Variants in ZNF20 observed in about 807,000 individuals in gnomAD.
ZNF20 encodes zinc finger protein 20, also known as zinc finger protein KOX13.
ZNF20 carries 9 observed loss-of-function variants against 11.0 expected under a neutral mutation model. The observed-to-expected ratio is 0.82, with a 90% CI of 0.49 to 1.43. The LOEUF (loss-of-function observed/expected upper bound fraction) is 1.43. Among genes scored for constraint, ZNF20 ranks in the 40% most tolerant of loss-of-function variants. ZNF20 has a pLI of 0.00. For missense variants in ZNF20, 528 were observed against 640.8 expected, an observed-to-expected ratio of 0.82 and a Z score of 1.90; for synonymous variants, 182 against 213.0, an observed-to-expected ratio of 0.85 and a Z score of 1.27.
chr19:12,135,396 T>C (rs962048427), intron 3 of ZNF20, 104 bp downstream of exon 3: 3 of 1,216,714 alleles, frequency 2.5e-6, no homozygotes, highest in Non-Finnish European at 3.6e-6. Flanking sequence ...CACCTCGACC[T>C]CCCAAAGTGC....
At chr19:12,137,134 C>T (rs1976724445) in intron 1 of ZNF20, 1 of 166,174 alleles carries the variant, frequency 6.0e-6, no homozygotes, top group African/African-American at 2.4e-5. Flanking sequence ...GTGAAACTCC[C>T]TCTCTACTAA....
chr19:12,138,080 C>T (rs971878056), intron 1 of ZNF20, among the ~76,000 whole-genome samples: 1 of 152,066 alleles, frequency 6.6e-6, no homozygotes, highest in Non-Finnish European at 1.5e-5. Context: ...TTGGTTCAGC[C>T]CCAGGCGGTT....
At chr19:12,137,775 T>C (rs1286209623) in intron 1 of ZNF20, 1 of 152,460 alleles carries the variant, frequency 6.6e-6, no homozygotes, top group Non-Finnish European at 1.5e-5. Context: ...TTTATGGCTT[T>C]GTTGAGATGA....
rs45536046 is a variant in ZNF20 at position 12,140,168 on chromosome 19, C to G, written c.3+12G>C. 21,170 of 1,601,206 alleles carry G rather than the reference C, an allele frequency of 0.013. 204 individuals carry two copies. The highest frequency in any genetic ancestry group is 0.026 in the Middle Eastern group (160 of 6,040). On this transcript the variant is annotated intron_variant, in intron 1 of 3. Transcript: ENST00000334213. ...CCTCCCCCGTCTGGGGACTCCGGCC[C>G]CATACACTCACCATTTCCCGGCTTC...
chr19:12,133,516 C>A lies in ZNF20; in HGVS notation c.670G>T (p.Val224Leu). ...CATTGTTTACACTTATATGGTTTCA[C>A]ACCAGTGTGAATTCGTTCATGGATA... is the stretch of plus-strand genomic sequence containing the variant. ...CLIHERIHTG[V>L]KPYKCKQCGK... is the part of the protein sequence containing the mutation. Residue 224 changes from valine (V) to leucine (L), a missense_variant, in exon 4 of 4, where the codon GTG (valine) becomes TTG (leucine). Physicochemically the swap from Val to Leu is conservative, Grantham distance 32 (BLOSUM62 1). Transcript: ENST00000334213. The A allele has an allele frequency of 1.9e-6, 3 of 1,614,224 alleles. No individual in the cohort carries two copies. Among genetic ancestry groups the A allele is most frequent in the Non-Finnish European group, 2.5e-6 (3 of 1,180,042 alleles).
rs1225706416 is a variant in ZNF20 at position 12,135,878 on chromosome 19, C to G, written c.30G>C (p.Glu10Asp). Residue 10 changes from glutamate to aspartate, a missense_variant, in exon 2 of 4, where the codon GAG (glutamate) becomes GAC (aspartate). Coordinates refer to ENST00000334213, the MANE Select transcript of ZNF20 (RefSeq NM_021143.4). MMFQDSVAF[E>D]DVAVSFTQEE... is the part of the protein sequence containing the mutation. ...CCTGGGTGAAGCTGACAGCCACATC[C>G]TCAAAGGCCACTGAATCCTGAAACA... is the stretch of plus-strand genomic sequence containing the variant. 6.2e-7 allele frequency: 1 copy of G among 1,614,102 alleles called. No homozygotes were observed. The highest frequency in any genetic ancestry group is 8.5e-7 in the Non-Finnish European group (1 of 1,180,020).
intron 1 of ZNF20, among the ~76,000 whole-genome samples, chr19:12,138,206 A>T (rs2037278880): frequency 6.6e-6 from 1 of 152,058 alleles, no homozygotes; most frequent in Admixed American, 6.6e-5. Context: ...AAATTCCAGC[A>T]CTTTGGGAGG....
intron 1 of ZNF20, among the ~76,000 whole-genome samples, chr19:12,138,631 A>T (rs924709574): frequency 2.0e-5 from 3 of 152,264 alleles, no homozygotes; most frequent in Admixed American, 6.5e-5. Flanking sequence ...ACCTTGTGAA[A>T]AGATGATAAA....
At position 12,132,746 on chromosome 19, in the gene ZNF20, T is replaced by C. The variant is rs1409840790; in HGVS notation, c.1440A>G (p.Glu480=). 1 of 1,613,984 alleles carries C rather than the reference T, an allele frequency of 6.2e-7. No individual in the cohort carries two copies. The highest frequency in any genetic ancestry group is 8.5e-7 in the Non-Finnish European group (1 of 1,179,968). ...TAAAGGCCTTACCACAGTGCTTACA[T>C]TCATAGGGTTTCTCTCCAGTGTGAG... ...ERTHTGEKPY[E]CKHCGKAFIS... Residue 480 remains glutamate (E), a synonymous_variant, in exon 4 of 4, where the codon GAA becomes GAG. Transcript: ENST00000334213.
rs1473578185 is a variant in ZNF20 at position 12,132,701 on chromosome 19, A to G, written c.1485T>C (p.Tyr495=). The G allele has an allele frequency of 4.3e-6, 7 of 1,613,744 alleles. No individual in the cohort carries two copies. The highest frequency in any genetic ancestry group is 5.9e-6 in the Non-Finnish European group (7 of 1,179,956). ...TCTCTCCAGTGTGAGTCCTTTCATG[A>G]TATCGAATGTAATTGGAAATAAAGG... ...GKAFISNYIR[Y]HERTHTGEKP... The change falls in exon 4 of 4, where the codon TAT becomes TAC. Residue 495 remains tyrosine (Y), a synonymous_variant. Transcript: ENST00000334213.
chr19:12,133,586 T>C lies in ZNF20; in HGVS notation c.600A>G (p.Lys200=). The change falls in exon 4 of 4, where the codon AAA becomes AAG. Residue 200 remains lysine (K), a synonymous_variant. Coordinates refer to ENST00000334213, the MANE Select transcript of ZNF20 (RefSeq NM_021143.4). ...AGAAGGCTTTCCCACAAAACTTACA[T>C]TTATAAGGTCCATCTCCACTGTGCA... is the stretch of plus-strand genomic sequence containing the variant. ...RVMHSGDGPY[K]CKFCGKAFYF... The C allele has an allele frequency of 6.2e-7, 1 of 1,614,204 alleles. No individual in the cohort carries two copies. The highest frequency in any genetic ancestry group is 8.5e-7 in the Non-Finnish European group (1 of 1,180,024).
rs955509452 is a variant in ZNF20 at position 12,139,858 on chromosome 19, C to G, written c.3+322G>C. 6.6e-6 allele frequency among the ~76,000 whole-genome samples: 1 copy of G among 152,278 alleles called. No homozygotes were observed. The highest frequency in any genetic ancestry group is 2.4e-5 in the African/African-American group (1 of 41,566). ...ACTCTTTAACAGAAAAAAAAATCCG[C>G]AGGATTCCCCCATGACCCTCCCGTG... is the stretch of plus-strand genomic sequence containing the variant. On this transcript the variant is annotated intron_variant, in intron 1 of 3. Coordinates refer to ENST00000334213, the MANE Select transcript of ZNF20 (RefSeq NM_021143.4). The surrounding 1 kb of genome is among the most constrained non-coding windows in gnomAD (Gnocchi z 4.0).
At chr19:12,134,924 G>A (rs1976686521) in intron 3 of ZNF20, among the ~76,000 whole-genome samples, 1 of 151,916 alleles carries the variant, frequency 6.6e-6, no homozygotes, top group Non-Finnish European at 1.5e-5. Flanking sequence ...CCAAATTGGA[G>A]TGTAGTGGTA....
intron 1 of ZNF20, chr19:12,137,414 G>A (rs1599434225): frequency 1.3e-5 from 2 of 152,840 alleles, no homozygotes; most frequent in Admixed American, 6.6e-5. Flanking sequence ...GACTTACACA[G>A]CTGCCTCCTG....
At position 12,135,884 on chromosome 19, in the gene ZNF20, G is replaced by T; in HGVS notation, c.24C>A (p.Ala8=). The T allele has an allele frequency of 6.2e-7, 1 of 1,614,056 alleles. No homozygotes were observed. The highest frequency in any genetic ancestry group is 8.5e-7 in the Non-Finnish European group (1 of 1,180,016). MMFQDSV[A]FEDVAVSFTQ... ...TGAAGCTGACAGCCACATCCTCAAA[G>T]GCCACTGAATCCTGAAACATCTCAC... The change falls in exon 2 of 4, where the codon GCC becomes GCA. Residue 8 remains alanine, a synonymous_variant. Transcript: ENST00000334213.
intron 1 of ZNF20, chr19:12,137,091 G>T: frequency 4.6e-6 from 1 of 215,948 alleles, no homozygotes; most frequent in Non-Finnish European, 9.4e-6. Context: ...AATCACTTCA[G>T]GTGAGGAGTT....
At position 12,132,782 on chromosome 19, in the gene ZNF20, A is replaced by G. The variant is rs754417408; in HGVS notation, c.1404T>C (p.Tyr468=). 11 of 1,612,466 alleles carry G rather than the reference A, an allele frequency of 6.8e-6. No homozygotes were observed. The highest frequency in any genetic ancestry group is 5.5e-5 in the South Asian group (5 of 90,978). The change falls in exon 4 of 4, where the codon TAT becomes TAC. Residue 468 remains tyrosine (Y), a synonymous_variant. Transcript: ENST00000334213. ...TCTCTCCAGTGTGAGTCCTTTCATG[A>G]TATCGAATGGAACTGGAACAAGTGA... ...KAFTCSSSIR[Y]HERTHTGEKP... is the part of the protein sequence containing the mutation.
At chr19:12,138,856 G>A (rs1320193050) in intron 1 of ZNF20, among the ~76,000 whole-genome samples, 1 of 152,138 alleles carries the variant, frequency 6.6e-6, no homozygotes, top group Admixed American at 6.6e-5. Context: ...GTGAGTTGGA[G>A]AAGGGGAGTT....
rs1014588625 is a variant in ZNF20, at chr19:12,135,373, C to T, written c.200+127G>A. On this transcript the variant is annotated intron_variant, in intron 3 of 3. Transcript: ENST00000334213. ...GCCGGGCTGGTCTCGAACTCCTGAC[C>T]TTGGGATTCACCCACCTCGACCTCC... 5.5e-6 allele frequency: 5 copies of T among 915,324 alleles called. No individual in the cohort carries two copies. In the African/African-American group the frequency reaches 8.4e-5, roughly 15 times the overall value. The allele number at this position is 915,324 out of a possible 1,614,324, so 56.7% of individuals were successfully genotyped here. A position where few individuals can be genotyped will look rare whatever the true frequency, so the allele number is the denominator to read the frequency against.
Sources: gnomAD v4.1 joint callset for allele counts (sites outside exome capture counted in the v4.1 genomes callset) on GRCh38, gnomAD v4.1.1 for gene constraint, Gnocchi (gnomAD v3.1) non-coding constraint, MANE v1.5 for transcripts, NCBI Gene and HGNC (gene_info 2026-07-23, HGNC 2026-07-21) for gene names.